Variants in ZFP1 observed in about 807,000 individuals in gnomAD.
ZFP1 encodes ZFP1 zinc finger protein.
A neutral mutation model predicts 38.5 loss-of-function variants in ZFP1; 32 were observed. The ratio of observed to expected loss-of-function variants is 0.83; its 90% CI spans 0.63 to 1.12. The LOEUF is 1.12. Among genes scored for constraint, ZFP1 ranks in the 50% most tolerant of loss-of-function variants. The pLI, the probability that ZFP1 is intolerant of heterozygous loss-of-function variation, is 0.00. For missense variants in ZFP1, 616 were observed against 480.8 expected (o/e 1.28, Z -2.63); for synonymous variants, 245 against 168.8 (o/e 1.45, Z -3.50).
chr16:75,167,102 C>T (rs2038132086), intron 3 of ZFP1, among the ~76,000 whole-genome samples: 1 of 152,190 alleles, frequency 6.6e-6, no homozygotes, highest in African/African-American at 2.4e-5. Context: ...AGCTATGTCC[C>T]ATTAGTAAAT....
intron 2 of ZFP1, among the ~76,000 whole-genome samples, chr16:75,166,238 C>T (rs887510865): frequency 6.6e-6 from 1 of 151,674 alleles, no homozygotes; most frequent in Non-Finnish European, 1.5e-5. Context: ...AGAGCAGAAA[C>T]AGTGTTTATT....
At chr16:75,129,581 C>T in the ZFP1 span, among the ~76,000 whole-genome samples, 1 of 152,194 alleles carries the variant, frequency 6.6e-6, no homozygotes, top group Non-Finnish European at 1.5e-5. Context: ...CTCTTATCTA[C>T]CTATGACCTG....
Position 75,169,928 on chromosome 16 carries a change from G to C in ZFP1, c.818G>C (p.Cys273Ser), listed in dbSNP as rs779098712. The change falls in exon 4 of 4, where the codon TGT (cysteine) becomes TCT (serine). Residue 273 changes from cysteine to serine, a missense_variant. Coordinates refer to ENST00000570010, the MANE Select transcript of ZFP1 (RefSeq NM_153688.4). Reference protein sequence around the residue: ...MEKKPYECSECGKTFAQKFEL... With the variant: ...MEKKPYECSESGKTFAQKFEL... ...AAGAAGCCCTATGAGTGCAGTGAAT[G>C]TGGAAAGACATTTGCCCAAAAGTTT... The C allele has an allele frequency of 6.2e-7, 1 of 1,614,094 alleles. No homozygotes were observed. Among genetic ancestry groups the C allele is most frequent in the Non-Finnish European group, 8.5e-7 (1 of 1,180,038 alleles).
chr16:75,127,829 A>C, the ZFP1 span: 1 of 152,230 alleles, frequency 6.6e-6, no homozygotes, highest in Non-Finnish European at 1.5e-5. Context: ...TTTGCTTTTC[A>C]GAGTCAAGAA....
upstream of ZFP1, among the ~76,000 whole-genome samples, chr16:75,144,553 T>C (rs931140169): frequency 2.6e-5 from 4 of 152,250 alleles, no homozygotes; most frequent in Non-Finnish European, 4.4e-5. Context: ...TAATTTATAA[T>C]TTTTAAATGT....
chr16:75,154,604 G>T (rs2037379683), intron 2 of ZFP1, among the ~76,000 whole-genome samples: 2 of 145,150 alleles, frequency 1.4e-5, no homozygotes, highest in African/African-American at 2.6e-5. Context: ...TGGTTTTAAG[G>T]AGCGGAAAGT....
intron 1 of ZFP1, among the ~76,000 whole-genome samples, chr16:75,150,347 T>C (rs1275645471): frequency 6.6e-6 from 1 of 150,408 alleles, no homozygotes; most frequent in African/African-American, 2.4e-5. Flanking sequence ...TAGCTGGGAC[T>C]ACAGGCGCCC....
intron 3 of ZFP1, among the ~76,000 whole-genome samples, chr16:75,168,561 A>G (rs866279854): frequency 5.9e-5 from 9 of 152,062 alleles, no homozygotes; most frequent in Middle Eastern, 3.2e-3. Flanking sequence ...AAAAAAAGCA[A>G]TAAAACCAGC....
In ZFP1 at chr16:75,169,333, A is replaced by C; in HGVS notation, c.223A>C (p.Asn75His). 1.2e-6 allele frequency: 2 copies of C among 1,614,176 alleles called. No individual in the cohort carries two copies. The highest frequency in any genetic ancestry group is 8.5e-7 in the Non-Finnish European group (1 of 1,180,020). The part of the protein sequence containing the change: ...EQARQFLILK[N>H]QTPIEERGDL... ...GGCGAGGCAATTTTTAATTCTTAAG[A>C]ACCAAACCCCAATTGAGGAAAGAGG... The change falls in exon 4 of 4, where the codon AAC (asparagine) becomes CAC (histidine). Residue 75 changes from asparagine (N) to histidine (H), a missense_variant. Transcript: ENST00000570010.
intron 2 of ZFP1, among the ~76,000 whole-genome samples, chr16:75,155,075 G>A (rs980837126): frequency 2.6e-5 from 4 of 152,120 alleles, no homozygotes; most frequent in Admixed American, 6.5e-5. Flanking sequence ...CTGATTACAA[G>A]CGTAAGTCAC....
chr16:75,141,055 G>C, the ZFP1 span, among the ~76,000 whole-genome samples: 1 of 152,072 alleles, frequency 6.6e-6, no homozygotes, highest in Non-Finnish European at 1.5e-5. Context: ...GAGAATCATT[G>C]CTAATATTTG....
At chr16:75,128,104 C>T in the ZFP1 span, among the ~76,000 whole-genome samples, 33 of 152,340 alleles carry the variant, frequency 2.2e-4, no homozygotes, top group South Asian at 4.1e-4. Flanking sequence ...TCAAACTTCA[C>T]TTATGGAGCC....
At chr16:75,129,924 G>T in the ZFP1 span, among the ~76,000 whole-genome samples, 10 of 152,208 alleles carry the variant, frequency 6.6e-5, no homozygotes, top group Non-Finnish European at 1.2e-4. Context: ...AGGAAGGAAA[G>T]TACACTTGGA....
chr16:75,140,730 C>T, the ZFP1 span, among the ~76,000 whole-genome samples: 2 of 152,168 alleles, frequency 1.3e-5, no homozygotes, highest in Non-Finnish European at 2.9e-5. Flanking sequence ...GAGGCCAAGG[C>T]GGGCGGATCA....
chr16:75,137,082 G>C, the ZFP1 span, among the ~76,000 whole-genome samples: 3 of 151,998 alleles, frequency 2.0e-5, no homozygotes, highest in Admixed American at 2.0e-4. Context: ...TTGGAGAAAG[G>C]GCTGATTTTA....
At chr16:75,151,179 CTT>C (rs113479963) in intron 1 of ZFP1, among the ~76,000 whole-genome samples, 6 of 145,828 alleles carry the variant, frequency 4.1e-5, no homozygotes, top group Admixed American at 6.9e-5. Context: ...ATTCTTTTAT[CTT>C]TTTTTTTTTT....
Position 75,170,575 on chromosome 16 carries a change from A to G in ZFP1, c.*241A>G, listed in dbSNP as rs1292426745. 8.7e-6 allele frequency: 4 copies of G among 459,430 alleles called. No homozygotes were observed. Among genetic ancestry groups the G allele is most frequent in the Non-Finnish European group, 1.4e-5 (4 of 281,436 alleles). 28.5% of individuals were successfully genotyped at this position (459,430 alleles called of 1,614,324 possible). ...AATAGCCATACCCAGTTGTACTACA[A>G]TGAGCTTTTTAAAATCTTGAATGAA... is the stretch of plus-strand genomic sequence containing the variant. On this transcript the variant is annotated 3_prime_UTR_variant, in exon 4 of 4. Coordinates refer to ENST00000570010, the MANE Select transcript of ZFP1 (RefSeq NM_153688.4).
chr16:75,162,235 A>G (rs1417861575), intron 2 of ZFP1, among the ~76,000 whole-genome samples: 2 of 148,796 alleles, frequency 1.3e-5, no homozygotes, highest in African/African-American at 5.0e-5. Flanking sequence ...CAATCCTCCC[A>G]CCTCAGCCCC....
At position 75,170,289 on chromosome 16, in the gene ZFP1, C is replaced by A. The variant is rs148661083; in HGVS notation, c.1179C>A (p.Ser393=). The change falls in exon 4 of 4, where the codon TCC becomes TCA. Residue 393 remains serine, a synonymous_variant. Coordinates refer to ENST00000570010, the MANE Select transcript of ZFP1 (RefSeq NM_153688.4). ...SECGKAFSRK[S]RLSVHQRVHI... ...GTGGGAAGGCCTTTAGCAGGAAGTCCCGACTCAGTGTCCATCAGAGAGTTC... is the reference window on the plus strand; with the variant it reads ...GTGGGAAGGCCTTTAGCAGGAAGTCACGACTCAGTGTCCATCAGAGAGTTC... 1.1e-5 allele frequency: 18 copies of A among 1,608,678 alleles called. No individual in the cohort carries two copies. Among genetic ancestry groups the A allele is most frequent in the Non-Finnish European group, 1.5e-5 (18 of 1,177,134 alleles).
Sources: allele counts gnomAD v4.1 joint callset (sites outside exome capture counted in the v4.1 genomes callset), GRCh38; gene constraint gnomAD v4.1.1; transcripts MANE v1.5; gene names NCBI Gene and HGNC (gene_info 2026-07-23, HGNC 2026-07-21).